The following DCAF6 variants were observed in gnomAD, a reference collection of about 807,000 sequenced individuals.
The protein encoded by DCAF6 is DDB1 and CUL4 associated factor 6.
DCAF6 carries 54 observed loss-of-function variants against 125.1 expected under a neutral mutation model. The ratio of observed to expected loss-of-function variants is 0.43; its 90% CI spans 0.35 to 0.54. The LOEUF is 0.54. DCAF6 is among the 20% of genes least tolerant of loss of function. The pLI is 0.01. For synonymous variants in DCAF6, 371 were observed against 390.4 expected (o/e 0.95, Z 0.58); for missense variants, 934 against 1,161.7 (o/e 0.80, Z 2.85).
At position 168,004,713 on chromosome 1, in the gene DCAF6, C is replaced by G; in HGVS notation, c.1298C>G (p.Ser433Cys). 6.2e-7 allele frequency: 1 copy of G among 1,614,050 alleles called. No individual in the cohort carries two copies. Among genetic ancestry groups the G allele is most frequent in the Non-Finnish European group, 8.5e-7 (1 of 1,179,926 alleles). The change falls in exon 10 of 22, where the codon TCT becomes TGT. Residue 433 changes from serine (S) to cysteine (C), a missense_variant. By Grantham distance (112) the Ser-to-Cys change is moderately radical. Transcript: ENST00000367840. ...TCATCTCCCACAGAAAGCCCTCATT[C>G]TACTCCTTTGCTATCTTCTCCAGAC... ...STSSPTESPHSTPLLSSPDSE... is the reference protein window; with the variant it reads ...STSSPTESPHCTPLLSSPDSE...
the DCAF6 span, among the ~76,000 whole-genome samples, chr1:167,868,082 CG>C: frequency 6.6e-6 from 1 of 152,124 alleles, no homozygotes; most frequent in African/African-American, 2.4e-5. Flanking sequence ...AGAGGAGGTT[CG>C]TAAACTCTCT....
the DCAF6 span, among the ~76,000 whole-genome samples, chr1:167,869,531 A>C: frequency 2.0e-5 from 3 of 152,114 alleles, no homozygotes; most frequent in African/African-American, 7.2e-5. Flanking sequence ...TAAGAACCAG[A>C]CCCGAAACCA....
At chr1:167,871,989 G>A in the DCAF6 span, among the ~76,000 whole-genome samples, 1 of 152,158 alleles carries the variant, frequency 6.6e-6, no homozygotes, top group Non-Finnish European at 1.5e-5. Context: ...CCTGCACGTT[G>A]TGCATTGTGT....
intron 12 of DCAF6, among the ~76,000 whole-genome samples, chr1:168,033,479 C>T (rs933582254): frequency 1.3e-5 from 2 of 151,910 alleles, no homozygotes; most frequent in Non-Finnish European, 1.5e-5. Context: ...CCGCGCCCGG[C>T]TAATTTTTTG....
intron 8 of DCAF6, 79 bp from the exon 9 acceptor site, chr1:168,003,791 C>T: frequency 7.8e-7 from 1 of 1,274,884 alleles, no homozygotes; most frequent in South Asian, 1.7e-5. Context: ...ATTTTAAAGC[C>T]CTTCAAATCT....
the DCAF6 span, chr1:167,904,691 G>C: frequency 1.7e-6 from 1 of 601,538 alleles, no homozygotes; most frequent in Non-Finnish European, 2.9e-6. Flanking sequence ...ACTGGGATGT[G>C]TATGGGGCTT....
At chr1:167,867,070 C>T in the DCAF6 span, among the ~76,000 whole-genome samples, 1 of 152,144 alleles carries the variant, frequency 6.6e-6, no homozygotes, top group Non-Finnish European at 1.5e-5. Context: ...TGTGAAAATC[C>T]CCACATAACC....
chr1:168,062,574 C>CA (rs1444575152), intron 17 of DCAF6, among the ~76,000 whole-genome samples: 2 of 151,976 alleles, frequency 1.3e-5, no homozygotes, highest in African/African-American at 4.8e-5. Flanking sequence ...TGAGACTGAG[C>CA]ATCTTTTATA....
chr1:167,883,106 C>T, the DCAF6 span, among the ~76,000 whole-genome samples: 16 of 152,240 alleles, frequency 1.1e-4, no homozygotes, highest in African/African-American at 3.6e-4. Flanking sequence ...GGTGCGATCT[C>T]GGCTCACTGC....
upstream of DCAF6, chr1:167,936,106 G>T: frequency 1.9e-6 from 1 of 534,690 alleles, no homozygotes. Context: ...AGGAGCCATG[G>T]CAACAGGTGC....
chr1:168,012,149 A>G (rs1405679545), intron 10 of DCAF6, among the ~76,000 whole-genome samples: 1 of 152,166 alleles, frequency 6.6e-6, no homozygotes, highest in African/African-American at 2.4e-5. Flanking sequence ...GGACTAGAAG[A>G]CAGATTTATA....
chr1:168,053,325 C>A (rs1371833427), intron 17 of DCAF6, among the ~76,000 whole-genome samples: 6 of 152,092 alleles, frequency 3.9e-5, no homozygotes, highest in Non-Finnish European at 7.4e-5. Flanking sequence ...GCAAAGACAC[C>A]TTTTTGTCAA....
the DCAF6 span, among the ~76,000 whole-genome samples, chr1:167,887,784 A>G: frequency 6.6e-6 from 1 of 151,956 alleles, no homozygotes; most frequent in Admixed American, 6.5e-5. Context: ...ATTCTAAAAA[A>G]AAAAAACACT....
chr1:167,899,681 A>G, the DCAF6 span: 4 of 1,568,296 alleles, frequency 2.6e-6, no homozygotes, highest in African/African-American at 5.4e-5. Flanking sequence ...ATTATTTCCC[A>G]GCAGCACAGG....
chr1:167,986,308 A>C (rs138142223), intron 4 of DCAF6, among the ~76,000 whole-genome samples: 418 of 152,230 alleles, frequency 2.7e-3, no homozygotes, highest in Non-Finnish European at 4.7e-3. Flanking sequence ...ACCATTTTAT[A>C]CTCCCATCAG....
intron 2 of DCAF6, 41 bp from the exon 3 acceptor site, chr1:167,966,588 A>G (rs1198193350): frequency 7.8e-7 from 1 of 1,286,386 alleles, no homozygotes. Flanking sequence ...ATTTTCTTTT[A>G]TGTCCAATTT....
At chr1:167,981,561 C>G (rs745509780) in intron 4 of DCAF6, among the ~76,000 whole-genome samples, 3 of 152,140 alleles carry the variant, frequency 2.0e-5, no homozygotes, top group African/African-American at 7.2e-5. Context: ...TTCACAGTTT[C>G]TGTTGTTGCC....
chr1:167,912,031 G>T, the DCAF6 span, among the ~76,000 whole-genome samples: 1 of 152,166 alleles, frequency 6.6e-6, no homozygotes, highest in Non-Finnish European at 1.5e-5. Context: ...AAAGACAATA[G>T]AAATTTTCTA....
At chr1:168,002,292 A>C (rs571365289) in intron 7 of DCAF6, among the ~76,000 whole-genome samples, 190 bp from the exon 8 acceptor site, 1 of 152,282 alleles carries the variant, frequency 6.6e-6, no homozygotes, top group East Asian at 1.9e-4. Context: ...ACATCAGTGG[A>C]TATTTATCCT....
Sources: gnomAD v4.1 joint callset for allele counts (sites outside exome capture counted in the v4.1 genomes callset) on GRCh38, gnomAD v4.1.1 for gene constraint, MANE v1.5 for transcripts, NCBI Gene and HGNC (gene_info 2026-07-23, HGNC 2026-07-21) for gene names.